G3BP2: variants seen among roughly 807,000 people sequenced by gnomAD.
G3BP2 encodes the protein ras GTPase-activating protein-binding protein 2.
Under a neutral mutation model 56.7 loss-of-function variants are expected in G3BP2, and 11 were observed. The ratio of observed to expected loss-of-function variants is 0.19; its 90% CI spans 0.12 to 0.32. The LOEUF (loss-of-function observed/expected upper bound fraction) is 0.32, where lower values mean the gene tolerates loss of function less well. Ranked by LOEUF, G3BP2 falls within the 10% of genes least tolerant of loss-of-function variation. The pLI is 1.00. For missense variants in G3BP2, 340 were observed against 610.9 expected (o/e 0.56, Z 4.67); for synonymous variants, 165 against 191.6 (o/e 0.86, Z 1.15).
chr4:75,695,323 G>A (rs1017542593), intron 3 of G3BP2, among the ~76,000 whole-genome samples: 7 of 152,184 alleles, frequency 4.6e-5, no homozygotes, highest in Admixed American at 2.6e-4. Flanking sequence ...CACATAAGCT[G>A]TAATCCTTCT....
chr4:75,661,329 T>C (rs1732535667), intron 2 of G3BP2, among the ~76,000 whole-genome samples: 2 of 152,130 alleles, frequency 1.3e-5, no homozygotes, highest in African/African-American at 4.8e-5. Context: ...GGCTTCACCA[T>C]GTTGGCCAGG....
At chr4:75,702,335 G>A (rs1719381189) in intron 3 of G3BP2, among the ~76,000 whole-genome samples, 3 of 152,030 alleles carry the variant, frequency 2.0e-5, no homozygotes, top group Admixed American at 2.0e-4. Flanking sequence ...GTAGAGATGG[G>A]GTTTTGCCAT....
chr4:75,685,616 C>T (rs1718567969), intron 3 of G3BP2, among the ~76,000 whole-genome samples: 1 of 152,068 alleles, frequency 6.6e-6, no homozygotes, highest in Non-Finnish European at 1.5e-5. Flanking sequence ...TAAGTTCCCT[C>T]AGCTTCTTTC....
At chr4:75,658,284 G>GT (rs1732265316) in intron 3 of G3BP2, among the ~76,000 whole-genome samples, 1 of 152,086 alleles carries the variant, frequency 6.6e-6, no homozygotes, top group African/African-American at 2.4e-5. Flanking sequence ...TGTAGCCATC[G>GT]TAATATAACA....
upstream of G3BP2, among the ~76,000 whole-genome samples, chr4:75,676,595 G>A (rs1033684998): frequency 7.2e-5 from 11 of 152,060 alleles, no homozygotes; most frequent in African/African-American, 2.2e-4. Context: ...CACCCACTTC[G>A]CCGAATTGTC....
chr4:75,645,356 C>CAA lies in G3BP2; in HGVS notation c.*72_*73dup, dbSNP rs375482927. 44 of 1,290,874 alleles carry CAA rather than the reference C, an allele frequency of 3.4e-5. No homozygotes were observed. The African/African-American group carries it at 5.6e-4, about 16-fold the overall frequency. The allele number at this position is 1,290,874 out of a possible 1,614,324, so 80.0% of individuals were successfully genotyped here. On this transcript the variant is annotated 3_prime_UTR_variant, in exon 12 of 12. Coordinates refer to ENST00000359707, the MANE Select transcript of G3BP2 (RefSeq NM_203505.3). ...AAAAGGCTGTGTCACATTCCAAAGC[C>CAA]AAAAAAAAAATTAACAAGAATGCAA... is the stretch of plus-strand genomic sequence containing the variant.
At chr4:75,648,865 T>C (rs927845285) in intron 8 of G3BP2, 124 bp from the exon 9 acceptor site, 4 of 594,990 alleles carry the variant, frequency 6.7e-6, no homozygotes, top group East Asian at 2.8e-5. Context: ...GTTTTTAACA[T>C]AGTGTCCTAT....
intron 1 of G3BP2, among the ~76,000 whole-genome samples, chr4:75,664,448 C>T (rs891634012): frequency 6.6e-6 from 1 of 151,354 alleles, no homozygotes; most frequent in Non-Finnish European, 1.5e-5. Context: ...TGGTGGCTGG[C>T]GCCTGTAGTC....
chr4:75,671,128 T>C (rs1011800650), intron 1 of G3BP2, among the ~76,000 whole-genome samples: 7 of 152,200 alleles, frequency 4.6e-5, no homozygotes, highest in African/African-American at 9.7e-5. Flanking sequence ...ACCAATTTAT[T>C]CTATCGGATA....
Position 75,643,596 on chromosome 4 carries a change from G to T in G3BP2, c.*1834C>A, listed in dbSNP as rs1047501589. 1 of 152,148 alleles carries T rather than the reference G, an allele frequency of 6.6e-6. No homozygotes were observed. The highest frequency in any genetic ancestry group is 6.6e-5 in the Admixed American group (1 of 15,240). 9.4% of individuals were successfully genotyped at this position (152,148 alleles called of 1,614,324 possible). A position where few individuals can be genotyped will look rare whatever the true frequency, so the allele number is the denominator to read the frequency against. ...ACATGGAAGACCTCATTCAAAGGGGGAAAAAGGGACAGATTTTACTCATAT... is the reference window on the plus strand; with the variant it reads ...ACATGGAAGACCTCATTCAAAGGGGTAAAAAGGGACAGATTTTACTCATAT... On this transcript the variant is annotated 3_prime_UTR_variant, in exon 12 of 12. Transcript: ENST00000359707.
At position 75,720,973 on chromosome 4, in the gene G3BP2, C is replaced by CAAAA. The variant is rs143804378; in HGVS notation, c.-117-8_-117-5dup. ...GTAACATAGCAAGACTTCATCTCTA[C>CAAAA]AAAAAAAAAAAAAAAAAAAAAATTA... On this transcript the variant is annotated splice_polypyrimidine_tract_variant and splice_region_variant and intron_variant, in intron 2 of 3. Coordinates refer to the G3BP2 transcript ENST00000499709. Among the ~76,000 whole-genome samples the CAAAA allele has an allele frequency of 6.3e-3, 437 of 69,514 alleles. 12 individuals carry two copies. The highest frequency in any genetic ancestry group is 0.018 in the African/African-American group (408 of 23,198). The allele number at this position is 69,514 out of a possible 152,430, so 45.6% of individuals were successfully genotyped here. A position where few individuals can be genotyped will look rare whatever the true frequency, so the allele number is the denominator to read the frequency against.
intron 1 of G3BP2, among the ~76,000 whole-genome samples, chr4:75,666,946 G>T (rs558941771): frequency 1.3e-5 from 2 of 152,208 alleles, no homozygotes; most frequent in East Asian, 3.9e-4. Context: ...TTTACAAATT[G>T]AGAAGAAATC....
intron 3 of G3BP2, among the ~76,000 whole-genome samples, chr4:75,706,376 A>G (rs1719545214): frequency 6.6e-6 from 1 of 151,810 alleles, no homozygotes; most frequent in African/African-American, 2.4e-5. Flanking sequence ...GCTCTATTGT[A>G]CTCTTGTATA....
chr4:75,706,492 A>G (rs1457908413), intron 3 of G3BP2, among the ~76,000 whole-genome samples: 1 of 152,174 alleles, frequency 6.6e-6, no homozygotes, highest in African/African-American at 2.4e-5. Flanking sequence ...AGCCTGACCA[A>G]CATGGAGAAA....
rs531924764 is a variant in G3BP2 at position 75,648,879 on chromosome 4, T to C, written c.826-138A>G. ...TGTTTTTAACATAGTGTCCTATGTA[T>C]GAGAAAAATAAATTTTTATCAAGAT... On this transcript the variant is annotated intron_variant, in intron 8 of 11. Transcript: ENST00000359707. The C allele has an allele frequency of 3.1e-5, 17 of 549,528 alleles. No individual in the cohort carries two copies. The South Asian group carries it at 4.3e-4, about 14-fold the overall frequency. 34.0% of individuals were successfully genotyped at this position (549,528 alleles called of 1,614,324 possible).
At chr4:75,713,889 TG>T (rs1425631493) in intron 3 of G3BP2, among the ~76,000 whole-genome samples, 1 of 152,250 alleles carries the variant, frequency 6.6e-6, no homozygotes, top group African/African-American at 2.4e-5. Context: ...ACAGCACTTC[TG>T]TGATATTCTA....
chr4:75,671,171 G>A (rs546589048), intron 1 of G3BP2, among the ~76,000 whole-genome samples: 1 of 152,262 alleles, frequency 6.6e-6, no homozygotes, highest in Non-Finnish European at 1.5e-5. Context: ...AGAGTAACTA[G>A]GTCATGTTTG....
chr4:75,644,921 G>A lies in G3BP2; in HGVS notation c.*509C>T, dbSNP rs1032637425. On this transcript the variant is annotated 3_prime_UTR_variant, in exon 12 of 12. Coordinates refer to ENST00000359707, the MANE Select transcript of G3BP2 (RefSeq NM_203505.3). ...TTTTTCCCTGTTGCCTCCTGTTGCA[G>A]ATGTCAATGTTAATGAGTTCAGAGT... 2.0e-5 allele frequency: 3 copies of A among 153,086 alleles called. No homozygotes were observed. The Admixed American group carries it at 2.0e-4, about 10-fold the overall frequency. The allele number at this position is 153,086 out of a possible 1,614,324, so 9.5% of individuals were successfully genotyped here.
intron 1 of G3BP2, among the ~76,000 whole-genome samples, chr4:75,722,908 C>T (rs921548330): frequency 6.6e-6 from 1 of 152,058 alleles, no homozygotes; most frequent in Non-Finnish European, 1.5e-5. Context: ...TTCATTTATC[C>T]ATCAATATCA....
Sources: allele counts gnomAD v4.1 joint callset (sites outside exome capture counted in the v4.1 genomes callset), GRCh38; gene constraint gnomAD v4.1.1; transcripts MANE v1.5; gene names NCBI Gene and HGNC (gene_info 2026-07-23, HGNC 2026-07-21).